Variants in RNF169 observed in about 807,000 individuals in gnomAD.
RNF169 encodes E3 ubiquitin-protein ligase RNF169.
A neutral mutation model predicts 53.9 loss-of-function variants in RNF169; 24 were observed. The ratio of observed to expected loss-of-function variants is 0.45; its 90% CI spans 0.32 to 0.63. The LOEUF (loss-of-function observed/expected upper bound fraction) is 0.63, where lower values mean the gene tolerates loss of function less well. RNF169 is among the 20% of genes least tolerant of loss of function. RNF169 has a pLI of 0.04. For synonymous variants in RNF169, 396 were observed against 363.5 expected, an observed-to-expected ratio of 1.09 and a Z score of -1.02; for missense variants, 883 against 906.2, an observed-to-expected ratio of 0.97 and a Z score of 0.33.
At chr11:74,789,806 A>G (rs1013914450) in intron 2 of RNF169, 107 bp downstream of exon 2, 4 of 671,388 alleles carry the variant, frequency 6.0e-6, no homozygotes, top group Non-Finnish European at 1.0e-5. Context: ...TATAATGCAG[A>G]GCCTTTCTTC....
chr11:74,774,140 G>C (rs1400782819), intron 1 of RNF169, among the ~76,000 whole-genome samples: 1 of 152,066 alleles, frequency 6.6e-6, no homozygotes, highest in Non-Finnish European at 1.5e-5. Flanking sequence ...AGGAGTTCGA[G>C]ACCAGCCTGG....
intron 2 of RNF169, among the ~76,000 whole-genome samples, chr11:74,805,004 A>C (rs921600542): frequency 2.0e-5 from 3 of 152,226 alleles, no homozygotes; most frequent in Non-Finnish European, 4.4e-5. Context: ...TTAAACATAC[A>C]CTTAACTGTG....
At chr11:74,782,357 G>A (rs1190045742) in intron 1 of RNF169, among the ~76,000 whole-genome samples, 1 of 152,184 alleles carries the variant, frequency 6.6e-6, no homozygotes, top group African/African-American at 2.4e-5. Flanking sequence ...CCAGTCCATG[G>A]CCTATTAGGA....
At chr11:74,761,733 A>G (rs2035086205) in intron 1 of RNF169, among the ~76,000 whole-genome samples, 1 of 151,812 alleles carries the variant, frequency 6.6e-6, no homozygotes, top group Admixed American at 6.6e-5. Context: ...GGCTGCCCTT[A>G]ACATTTTTTC....
intron 1 of RNF169, among the ~76,000 whole-genome samples, chr11:74,770,797 TC>T (rs1392089196): frequency 6.6e-6 from 1 of 152,154 alleles, no homozygotes; most frequent in African/African-American, 2.4e-5. Context: ...CATGCATTTT[TC>T]GTTTTGTTTT....
At chr11:74,820,916 A>AC (rs5792673) in intron 4 of RNF169, among the ~76,000 whole-genome samples, 28,989 of 152,058 alleles carry the variant, frequency 0.19, 2,920 homozygotes, top group South Asian at 0.38. Flanking sequence ...TTCTTAGCAT[A>AC]CCTCATGTGA....
intron 2 of RNF169, among the ~76,000 whole-genome samples, chr11:74,790,122 T>A (rs1483958059): frequency 6.6e-6 from 1 of 152,230 alleles, no homozygotes; most frequent in East Asian, 1.9e-4. Flanking sequence ...TGTAGGTCAG[T>A]AAGGAGATAG....
chr11:74,828,751 T>C (rs1352442173), intron 4 of RNF169, among the ~76,000 whole-genome samples: 1 of 152,204 alleles, frequency 6.6e-6, no homozygotes, highest in Non-Finnish European at 1.5e-5. Flanking sequence ...GGATTCCCTA[T>C]TTAGTAAGTG....
rs2036244889 is a variant in RNF169, at chr11:74,835,786, A to G, written c.1183A>G (p.Arg395Gly). 4 of 1,614,206 alleles carry G rather than the reference A, an allele frequency of 2.5e-6. No individual in the cohort carries two copies. Among genetic ancestry groups the G allele is most frequent in the Non-Finnish European group, 3.4e-6 (4 of 1,180,030 alleles). ...IVCSPCTPPKRLPDGRVLSPL... is the reference protein window; with the variant it reads ...IVCSPCTPPKGLPDGRVLSPL... ...CTGCTCACCATGTACTCCTCCCAAG[A>G]GACTCCCTGATGGCCGTGTGCTAAG... is the stretch of plus-strand genomic sequence containing the variant. The change falls in exon 6 of 6, where the codon AGA becomes GGA. Residue 395 changes from arginine to glycine, a missense_variant. Physicochemically the swap from Arg to Gly is moderately radical, Grantham distance 125 (BLOSUM62 -2). Around this residue, in one of 3 missense-constraint regions of RNF169, gnomAD observed 219 missense variants for 289.1 expected, o/e 0.76. Coordinates refer to ENST00000299563, the MANE Select transcript of RNF169 (RefSeq NM_001098638.2).
intron 4 of RNF169, among the ~76,000 whole-genome samples, chr11:74,826,957 T>C (rs1044477705): frequency 1.3e-5 from 2 of 152,188 alleles, no homozygotes; most frequent in African/African-American, 4.8e-5. Flanking sequence ...TGGTGTAAGC[T>C]GTCAGTGGAT....
intron 4 of RNF169, among the ~76,000 whole-genome samples, chr11:74,824,734 C>G (rs1359495897): frequency 1.3e-5 from 2 of 152,154 alleles, no homozygotes; most frequent in African/African-American, 4.8e-5. Context: ...GATAGACTTG[C>G]TTGATACAGG....
At chr11:74,795,013 C>G (rs1450490913) in intron 2 of RNF169, among the ~76,000 whole-genome samples, 1 of 152,068 alleles carries the variant, frequency 6.6e-6, no homozygotes, top group Non-Finnish European at 1.5e-5. Flanking sequence ...GCTGTGTTGT[C>G]CAGGCTGGTC....
rs1243432065 is a variant in RNF169 at position 74,835,941 on chromosome 11, C to G, written c.1338C>G (p.Thr446=). The part of the protein sequence containing the change: ...QIFQERQIKK[T]LSKATLTSLA... Reference sequence around the variant, plus strand: ...TTCAGGAGCGGCAGATCAAAAAGACCCTTTCAAAAGCCACTCTTACCTCTC... The same window carrying G: ...TTCAGGAGCGGCAGATCAAAAAGACGCTTTCAAAAGCCACTCTTACCTCTC... The change falls in exon 6 of 6, where the codon ACC becomes ACG. Residue 446 remains threonine, a synonymous_variant. Transcript: ENST00000299563. 1 of 1,614,146 alleles carries G rather than the reference C, an allele frequency of 6.2e-7. No individual in the cohort carries two copies. Among genetic ancestry groups the G allele is most frequent in the Non-Finnish European group, 8.5e-7 (1 of 1,180,038 alleles).
At position 74,748,931 on chromosome 11, in the gene RNF169, C is replaced by A. The variant is rs949736672; in HGVS notation, c.51C>A (p.Ala17=). The A allele has an allele frequency of 1.6e-5, 23 of 1,458,284 alleles. No individual in the cohort carries two copies. The highest frequency in any genetic ancestry group is 1.9e-4 in the Middle Eastern group (1 of 5,352). The allele number at this position is 1,458,284 out of a possible 1,614,324, so 90.3% of individuals were successfully genotyped here. A position where few individuals can be genotyped will look rare whatever the true frequency, so the allele number is the denominator to read the frequency against. The part of the protein sequence containing the change: ...STRASSAAAA[A]ALSRRGRRGR... ...GGGCCTCTTCCGCGGCGGCAGCAGC[C>A]GCTCTGAGTCGGCGGGGCCGGCGGG... Residue 17 remains alanine (A), a synonymous_variant, in exon 1 of 6, where the codon GCC becomes GCA. Transcript: ENST00000299563.
intron 4 of RNF169, among the ~76,000 whole-genome samples, chr11:74,821,932 G>T (rs2036017046): frequency 6.6e-6 from 1 of 152,160 alleles, no homozygotes; most frequent in Non-Finnish European, 1.5e-5. Context: ...AACCCAGAGT[G>T]TAACAAAATA....
At chr11:74,814,380 C>CT (rs35427771) in intron 3 of RNF169, among the ~76,000 whole-genome samples, 39,686 of 96,182 alleles carry the variant, frequency 0.41, 10,181 homozygotes, top group East Asian at 0.79. Flanking sequence ...TCTTTCTTGC[C>CT]TTTTTTTTTT....
chr11:74,778,673 T>C (rs2035372255), intron 1 of RNF169, among the ~76,000 whole-genome samples: 1 of 152,212 alleles, frequency 6.6e-6, no homozygotes, highest in Non-Finnish European at 1.5e-5. Flanking sequence ...ATTTCTATAG[T>C]ATTTTTACGT....
At position 74,841,959 on chromosome 11, in the gene RNF169, A is replaced by G. The variant is rs769144388; in HGVS notation, c.*5229A>G. On this transcript the variant is annotated 3_prime_UTR_variant, in exon 6 of 6. Coordinates refer to ENST00000299563, the MANE Select transcript of RNF169 (RefSeq NM_001098638.2). ...CAGAGCACTTAAAAGTCCTAGTGAG[A>G]GAATAGATACTATGCAAGGGAAAAA... 1.6e-4 allele frequency: 25 copies of G among 152,372 alleles called. No homozygotes were observed. Among genetic ancestry groups the G allele is most frequent in the Admixed American group, 4.6e-4 (7 of 15,302 alleles). The allele number at this position is 152,372 out of a possible 1,614,324, so 9.4% of individuals were successfully genotyped here.
At chr11:74,758,145 A>G (rs1485714997) in intron 1 of RNF169, among the ~76,000 whole-genome samples, 4 of 67,868 alleles carry the variant, frequency 5.9e-5, no homozygotes, top group Admixed American at 3.8e-4. Flanking sequence ...TAACGTTTAA[A>G]TCTTTAATCC....
Sources: allele counts gnomAD v4.1 joint callset (sites outside exome capture counted in the v4.1 genomes callset), GRCh38; gene constraint gnomAD v4.1.1; regional missense constraint gnomAD v4.1.1; transcripts MANE v1.5; gene names NCBI Gene and HGNC (gene_info 2026-07-23, HGNC 2026-07-21).